Variants in DNMT3L observed in about 807,000 individuals in gnomAD.
DNMT3L encodes DNA methyltransferase 3 like.
A neutral mutation model predicts 36.2 loss-of-function variants in DNMT3L; 33 were observed. That is an observed-to-expected ratio of 0.91 (90% CI 0.69 to 1.22). The LOEUF (loss-of-function observed/expected upper bound fraction) is 1.22. Ranked by LOEUF, DNMT3L falls within the 50% of genes most tolerant of loss-of-function variation. The probability of loss-of-function intolerance (pLI) is 0.00; values close to 1 mark genes in which losing one functional copy is unlikely to be tolerated. For synonymous variants in DNMT3L, 117 were observed against 121.7 expected, an observed-to-expected ratio of 0.96 and a Z score of 0.26; for missense variants, 310 against 303.1, an observed-to-expected ratio of 1.02 and a Z score of -0.17.
intron 8 of DNMT3L, among the ~76,000 whole-genome samples, chr21:44,253,587 C>A (rs750575841): frequency 6.6e-6 from 1 of 152,054 alleles, no homozygotes; most frequent in Non-Finnish European, 1.5e-5. Context: ...GGCATGGTGG[C>A]GGGTGCCTGT....
In DNMT3L at chr21:44,253,266, G is replaced by A. The variant is rs554360827; in HGVS notation, c.693+1351C>T. On this transcript the variant is annotated intron_variant, in intron 8 of 11. Transcript: ENST00000628202. ...GGGGACCACAGAGTAGGTCCCCACA[G>A]GCTATTCCATGGCCGAGCTGGAAGA... 8.2e-5 allele frequency among the ~76,000 whole-genome samples: 8 copies of A among 97,734 alleles called. No individual in the cohort carries two copies. The South Asian group carries it at 3.0e-3, about 37-fold the overall frequency. 64.1% of individuals were successfully genotyped at this position (97,734 alleles called of 152,430 possible).
chr21:44,260,658 A>C, intron 3 of DNMT3L, 137 bp downstream of exon 3: 4 of 1,068,152 alleles, frequency 3.7e-6, no homozygotes, highest in Non-Finnish European at 5.6e-6. Context: ...GAGTCTCACT[A>C]TGTTGCCTAG....
intron 1 of DNMT3L, among the ~76,000 whole-genome samples, chr21:44,261,508 G>T (rs1306954880): frequency 6.6e-6 from 1 of 152,352 alleles, no homozygotes; most frequent in East Asian, 1.9e-4. Flanking sequence ...GCCTGGCCCT[G>T]TTACAACATG....
rs374597372 is a variant in DNMT3L, at chr21:44,258,681, C to G, written c.358G>C (p.Glu120Gln). The G allele has an allele frequency of 6.2e-7, 1 of 1,612,738 alleles. No homozygotes were observed. ...GGGCCGACCAGGCTATCCACACACT[C>G]GAAGCAGTAGCATCTAAGGCCAGAC... ...NPDCTRCYCF[E>Q]CVDSLVGPGT... The change falls in exon 6 of 12, where the codon GAG (glutamate) becomes CAG (glutamine). Residue 120 changes from glutamate (E) to glutamine (Q), a missense_variant. Coordinates refer to ENST00000628202, the MANE Select transcript of DNMT3L (RefSeq NM_175867.3). The surrounding 1 kb of genome is among the most constrained non-coding windows in gnomAD (Gnocchi z 6.2).
chr21:44,261,271 G>C lies in DNMT3L; in HGVS notation c.-7-5C>G. On this transcript the variant is annotated splice_region_variant and splice_polypyrimidine_tract_variant and intron_variant, in intron 1 of 11. Transcript: ENST00000628202. The stretch of plus-strand genomic sequence containing the variant: ...GGGATGGCCGCCATGGGGATGCTGT[G>C]TCAGGACACACGGACACAGATGTGA... 1 of 1,611,288 alleles carries C rather than the reference G, an allele frequency of 6.2e-7. No homozygotes were observed. The highest frequency in any genetic ancestry group is 8.5e-7 in the Non-Finnish European group (1 of 1,179,402).
Position 44,258,977 on chromosome 21 carries a change from G to GA in DNMT3L, c.345-284dup, listed in dbSNP as rs2040289728. Among the ~76,000 whole-genome samples, 2 of 152,162 alleles carry GA rather than the reference G, an allele frequency of 1.3e-5. No homozygotes were observed. The highest frequency in any genetic ancestry group is 2.9e-5 in the Non-Finnish European group (2 of 68,030). On this transcript the variant is annotated intron_variant, in intron 5 of 11. Transcript: ENST00000628202. The surrounding 1 kb of genome is among the most constrained non-coding windows in gnomAD (Gnocchi z 6.2). ...GTCTGCCCCCAAACTCGAGCCTGCA[G>GA]AAACAGCGTAGGGACTCCCAGCAAA...
chr21:44,257,705 T>A (rs199542294), intron 6 of DNMT3L, among the ~76,000 whole-genome samples: 4,104 of 81,580 alleles, frequency 0.05, 129 homozygotes, highest in African/African-American at 0.075. Context: ...AATAAATAAA[T>A]AAATAAATAA....
chr21:44,259,562 AAAGC>A lies in DNMT3L; in HGVS notation c.232-17_232-14del. The A allele has an allele frequency of 1.2e-6, 2 of 1,613,664 alleles. No homozygotes were observed. The highest frequency in any genetic ancestry group is 1.7e-6 in the Non-Finnish European group (2 of 1,179,986). ...CCAGGAACTTGTCCTTGGAAGGAGC[AAAGC>A]AAGGCTGGCTTGTGTCATCCCTGCT... On this transcript the variant is annotated splice_polypyrimidine_tract_variant and intron_variant, in intron 4 of 11. Transcript: ENST00000628202.
At chr21:44,261,467 T>C (rs1175302433) in intron 1 of DNMT3L, among the ~76,000 whole-genome samples, 4 of 152,112 alleles carry the variant, frequency 2.6e-5, no homozygotes, top group Admixed American at 6.5e-5. Context: ...TGAGAGGGGC[T>C]CAAGGGTCCC....
At chr21:44,259,383 A>G in intron 5 of DNMT3L, 54 bp downstream of exon 5, 1 of 1,551,912 alleles carries the variant, frequency 6.4e-7, no homozygotes, top group Non-Finnish European at 8.9e-7. Flanking sequence ...AGTAGCTGAA[A>G]GGATGGGTGT....
At chr21:44,261,395 G>A (rs1345141721) in intron 1 of DNMT3L, 129 bp from the exon 2 acceptor site, 16 of 810,864 alleles carry the variant, frequency 2.0e-5, no homozygotes, top group Middle Eastern at 3.7e-4. Flanking sequence ...GAACCCCCGC[G>A]GTGACACCCA....
chr21:44,255,034 G>A (rs1040745933), intron 7 of DNMT3L, among the ~76,000 whole-genome samples: 2 of 151,902 alleles, frequency 1.3e-5, no homozygotes, highest in African/African-American at 4.8e-5. Flanking sequence ...CACCATGTTG[G>A]CCAGGCTGGT....
In DNMT3L at chr21:44,258,784, G is replaced by A; in HGVS notation, c.345-90C>T. ...GTGGGCCTGATTGAGCCTTGTTTTG[G>A]AGGGAAAAGTCACGCTGGAGCTCCC... On this transcript the variant is annotated intron_variant, in intron 5 of 11. Transcript: ENST00000628202. This position sits in a 1 kb window ranked among gnomAD's most constrained non-coding sequence, Gnocchi z 6.2. 1 of 1,507,472 alleles carries A rather than the reference G, an allele frequency of 6.6e-7. No individual in the cohort carries two copies. The highest frequency in any genetic ancestry group is 8.9e-7 in the Non-Finnish European group (1 of 1,123,268). The allele number at this position is 1,507,472 out of a possible 1,614,324, so 93.4% of individuals were successfully genotyped here.
At chr21:44,259,415 C>T (rs1319663913) in intron 5 of DNMT3L, 22 bp downstream of exon 5, 3 of 1,612,518 alleles carry the variant, frequency 1.9e-6, no homozygotes, top group African/African-American at 2.7e-5. Flanking sequence ...CTTCACCCCC[C>T]TGGGCAGGCC....
At position 44,259,677 on chromosome 21, in the gene DNMT3L, G is replaced by T. The variant is rs1486019108; in HGVS notation, c.186C>A (p.His62Gln). ...CTCCCTCAAACAGAGGGTGCTGTGT[G>T]TGAACCTGGAGACTTCCGCAGCAGA... The part of the protein sequence containing the change: ...ICICCGSLQV[H>Q]TQHPLFEGGI... The change falls in exon 4 of 12, where the codon CAC becomes CAA. Residue 62 changes from histidine to glutamine, a missense_variant. By Grantham distance (24) the His-to-Gln change is conservative. Coordinates refer to ENST00000628202, the MANE Select transcript of DNMT3L (RefSeq NM_175867.3). 6.2e-7 allele frequency: 1 copy of T among 1,612,926 alleles called. No individual in the cohort carries two copies. Among genetic ancestry groups the T allele is most frequent in the Admixed American group, 1.7e-5 (1 of 59,852 alleles).
At chr21:44,257,330 G>C (rs150559648) in intron 6 of DNMT3L, among the ~76,000 whole-genome samples, 4,961 of 152,140 alleles carry the variant, frequency 0.033, 117 homozygotes, top group Admixed American at 0.077. Context: ...TGAGCCAAGA[G>C]GGTGCCATTG....
At chr21:44,256,719 G>T (rs2146356604) in intron 6 of DNMT3L, among the ~76,000 whole-genome samples, 1 of 152,212 alleles carries the variant, frequency 6.6e-6, no homozygotes, top group Admixed American at 6.5e-5. Flanking sequence ...TGAGCCTCGG[G>T]GCAGGTGAGG....
chr21:44,254,429 C>T (rs927819290), intron 8 of DNMT3L, among the ~76,000 whole-genome samples, 188 bp downstream of exon 8: 4 of 152,176 alleles, frequency 2.6e-5, no homozygotes, highest in African/African-American at 9.7e-5. Context: ...GTGGCTGGGC[C>T]GGCGGGGTTG....
rs371629547 is a variant in DNMT3L, at chr21:44,255,469, GAGATCA to G, written c.604+592_604+597del. Reference sequence around the variant, plus strand: ...CCGGGGGGCAGAGGTGCAGCGAGCCGAGATCAAGCCTGGGCAACAGAGCGAGACTCC... The same window carrying G: ...CCGGGGGGCAGAGGTGCAGCGAGCCGAGCCTGGGCAACAGAGCGAGACTCC... On this transcript the variant is annotated intron_variant, in intron 7 of 11. Transcript: ENST00000628202. Among the ~76,000 whole-genome samples the G allele has an allele frequency of 1.9e-3, 289 of 149,882 alleles. 1 individual carries two copies. Among genetic ancestry groups the G allele is most frequent in the African/African-American group, 6.5e-3 (264 of 40,550 alleles).
Sources: gnomAD v4.1 joint callset for allele counts (sites outside exome capture counted in the v4.1 genomes callset) on GRCh38, gnomAD v4.1.1 for gene constraint, Gnocchi (gnomAD v3.1) non-coding constraint, MANE v1.5 for transcripts, NCBI Gene and HGNC (gene_info 2026-07-23, HGNC 2026-07-21) for gene names.